The following NRXN3 variants were observed in gnomAD, a reference collection of about 807,000 sequenced individuals.
NRXN3 encodes the protein neurexin 3.
A neutral mutation model predicts 137.6 loss-of-function variants in NRXN3; 32 were observed. The observed-to-expected ratio is 0.23, with a 90% CI of 0.18 to 0.31. The LOEUF (loss-of-function observed/expected upper bound fraction) is 0.31. NRXN3 is among the 10% of genes least tolerant of loss of function. The pLI, the probability that NRXN3 is intolerant of heterozygous loss-of-function variation, is 1.00. For synonymous variants in NRXN3, 798 were observed against 784.5 expected (o/e 1.02, Z -0.29); for missense variants, 1,574 against 2,062.5 (o/e 0.76, Z 4.59).
intron 19 of NRXN3, among the ~76,000 whole-genome samples, chr14:79,763,690 T>A (rs1335632522): frequency 2.6e-5 from 4 of 151,572 alleles, no homozygotes; most frequent in Non-Finnish European, 5.9e-5. Flanking sequence ...GACTTCCAGT[T>A]ATGTCCTTAC....
At chr14:79,701,746 TAGG>T (rs1218158501) in intron 19 of NRXN3, among the ~76,000 whole-genome samples, 4 of 152,010 alleles carry the variant, frequency 2.6e-5, no homozygotes, top group African/African-American at 9.7e-5. Context: ...CACTTCTCAA[TAGG>T]AGGAGGAGTA....
chr14:79,705,011 A>G (rs2098771453), intron 19 of NRXN3, among the ~76,000 whole-genome samples: 1 of 152,158 alleles, frequency 6.6e-6, no homozygotes, highest in Admixed American at 6.6e-5. Context: ...TTCCAAAACT[A>G]GGTCTAGTCG....
At chr14:79,410,536 A>G (rs769096536) in intron 15 of NRXN3, among the ~76,000 whole-genome samples, 1 of 151,958 alleles carries the variant, frequency 6.6e-6, no homozygotes, top group Non-Finnish European at 1.5e-5. Context: ...AAATATCCAG[A>G]AGGACAATAT....
chr14:78,360,335 C>T (rs1244134929), intron 4 of NRXN3, among the ~76,000 whole-genome samples: 1 of 152,208 alleles, frequency 6.6e-6, no homozygotes, highest in African/African-American at 2.4e-5. Context: ...GATTCTTAGG[C>T]ATACAAATAT....
chr14:78,492,756 G>T lies in NRXN3; in HGVS notation c.758-152364G>T, dbSNP rs529092348. 2.0e-5 allele frequency among the ~76,000 whole-genome samples: 3 copies of T among 152,296 alleles called. No homozygotes were observed. The South Asian group carries it at 6.2e-4, about 32-fold the overall frequency. On this transcript the variant is annotated intron_variant, in intron 4 of 20. Coordinates refer to ENST00000335750, the MANE Select transcript of NRXN3 (RefSeq NM_001330195.2). ...AGCAGGTAAGAAAAACTCTGACGTGGTGTTAGTCTGTCTTTTATCCTTCAT... is the reference window on the plus strand; with the variant it reads ...AGCAGGTAAGAAAAACTCTGACGTGTTGTTAGTCTGTCTTTTATCCTTCAT...
chr14:78,223,907 A>T (rs2153427632), intron 1 of NRXN3, among the ~76,000 whole-genome samples: 1 of 152,250 alleles, frequency 6.6e-6, no homozygotes, highest in Non-Finnish European at 1.5e-5. Flanking sequence ...AGGTATTGGG[A>T]CACTCTGGCT....
intron 10 of NRXN3, among the ~76,000 whole-genome samples, chr14:78,956,501 G>C (rs1412619704): frequency 6.6e-6 from 1 of 152,040 alleles, no homozygotes; most frequent in Non-Finnish European, 1.5e-5. Flanking sequence ...CCTCTATTTA[G>C]TGGCACTTTA....
At chr14:79,017,978 G>A (rs1028882131) in intron 15 of NRXN3, among the ~76,000 whole-genome samples, 2 of 151,810 alleles carry the variant, frequency 1.3e-5, no homozygotes, top group Non-Finnish European at 2.9e-5. Context: ...GAGAAAAAGG[G>A]GCCAGGCATG....
At chr14:79,563,708 G>C (rs1037881576) in intron 16 of NRXN3, among the ~76,000 whole-genome samples, 1 of 148,802 alleles carries the variant, frequency 6.7e-6, no homozygotes, top group African/African-American at 2.5e-5. Flanking sequence ...CTTTTTTCCT[G>C]TTTCTCTTCT....
At chr14:79,262,069 G>C (rs2077691820) in intron 15 of NRXN3, among the ~76,000 whole-genome samples, 1 of 152,126 alleles carries the variant, frequency 6.6e-6, no homozygotes, top group Admixed American at 6.5e-5. Flanking sequence ...TAGAGGAAAT[G>C]TGGAGGCTTG....
At chr14:79,745,166 G>T (rs961818015) in intron 19 of NRXN3, among the ~76,000 whole-genome samples, 3 of 152,086 alleles carry the variant, frequency 2.0e-5, no homozygotes, top group African/African-American at 4.8e-5. Context: ...TGTACACTTG[G>T]TTAATTTCAT....
chr14:79,545,585 T>G (rs375399923), intron 16 of NRXN3, among the ~76,000 whole-genome samples: 1 of 152,084 alleles, frequency 6.6e-6, no homozygotes, highest in African/African-American at 2.4e-5. Context: ...ATTCACATGC[T>G]TCAAGAATTA....
At chr14:78,287,197 A>G (rs1350526406) in intron 3 of NRXN3, among the ~76,000 whole-genome samples, 3 of 152,232 alleles carry the variant, frequency 2.0e-5, no homozygotes, top group Non-Finnish European at 4.4e-5. Flanking sequence ...TTATACTCCC[A>G]CATATATCAT....
chr14:79,212,133 A>C (rs1784535601), intron 15 of NRXN3, among the ~76,000 whole-genome samples: 2 of 152,180 alleles, frequency 1.3e-5, no homozygotes, highest in Admixed American at 1.3e-4. Context: ...TTTGGATGTT[A>C]CTATTGTCTC....
intron 4 of NRXN3, among the ~76,000 whole-genome samples, chr14:78,474,127 A>G (rs914533818): frequency 3.3e-5 from 5 of 152,202 alleles, no homozygotes; most frequent in African/African-American, 1.2e-4. Flanking sequence ...CTGTAATATT[A>G]GTGGTCCTCT....
At chr14:79,523,757 G>A (rs900474801) in intron 16 of NRXN3, among the ~76,000 whole-genome samples, 1 of 152,230 alleles carries the variant, frequency 6.6e-6, no homozygotes, top group Non-Finnish European at 1.5e-5. Context: ...TAAGGTGGTT[G>A]TATAAGTATG....
At chr14:79,787,514 T>C (rs753438589) in intron 19 of NRXN3, among the ~76,000 whole-genome samples, 36 of 152,316 alleles carry the variant, frequency 2.4e-4, no homozygotes, top group Non-Finnish European at 4.3e-4. Context: ...TGTCTGAAAC[T>C]TTGTAGTCTT....
At chr14:79,086,994 A>C (rs752225730) in intron 15 of NRXN3, among the ~76,000 whole-genome samples, 2 of 152,286 alleles carry the variant, frequency 1.3e-5, no homozygotes, top group South Asian at 2.1e-4. Flanking sequence ...AACTTAAGAG[A>C]GCAACAATAA....
At chr14:78,910,639 A>G in intron 10 of NRXN3, among the ~76,000 whole-genome samples, 1 of 152,028 alleles carries the variant, frequency 6.6e-6, no homozygotes. Context: ...GTCACTCTCT[A>G]GCCCTGGGCT....
Sources: gnomAD v4.1 joint callset for allele counts (sites outside exome capture counted in the v4.1 genomes callset) on GRCh38, gnomAD v4.1.1 for gene constraint, MANE v1.5 for transcripts, NCBI Gene and HGNC (gene_info 2026-07-23, HGNC 2026-07-21) for gene names.